The following FDX1 variants were observed in gnomAD, a reference collection of about 807,000 sequenced individuals.
FDX1 encodes adrenodoxin, mitochondrial.
A neutral mutation model predicts 14.9 loss-of-function variants in FDX1; 9 were observed. That is an observed-to-expected ratio of 0.60 (90% CI 0.36 to 1.05). The LOEUF is 1.05. Among genes scored for constraint, FDX1 ranks in the 50% least tolerant of loss-of-function variants. The pLI is 0.01. For missense variants in FDX1, 204 were observed against 237.2 expected (o/e 0.86, Z 0.92); for synonymous variants, 92 against 99.4 (o/e 0.93, Z 0.44).
intron 1 of FDX1, among the ~76,000 whole-genome samples, chr11:110,435,005 C>T (rs542284208): frequency 4.6e-5 from 7 of 150,770 alleles, no homozygotes; most frequent in Non-Finnish European, 7.4e-5. Context: ...TCCCCTGCCT[C>T]GGCCTCCCAA....
chr11:110,457,967 T>C (rs1035731679), intron 3 of FDX1, among the ~76,000 whole-genome samples: 1 of 152,190 alleles, frequency 6.6e-6, no homozygotes, highest in Non-Finnish European at 1.5e-5. Context: ...TAGTATCTCT[T>C]TGGACACCAA....
At chr11:110,447,273 C>CAAA (rs541827807) in intron 2 of FDX1, among the ~76,000 whole-genome samples, 10 of 75,744 alleles carry the variant, frequency 1.3e-4, no homozygotes, top group Admixed American at 2.6e-4. Context: ...ACTAAAAATA[C>CAAA]AAAAAAAAAA....
intron 3 of FDX1, among the ~76,000 whole-genome samples, chr11:110,459,217 A>G (rs2358322): frequency 0.18 from 27,948 of 152,112 alleles, 2,728 homozygotes; most frequent in East Asian, 0.26. Context: ...CCTTATATGT[A>G]AGGTGAGGAT....
chr11:110,438,469 A>G (rs1018496175), intron 2 of FDX1, among the ~76,000 whole-genome samples: 14 of 152,120 alleles, frequency 9.2e-5, no homozygotes, highest in Non-Finnish European at 4.4e-5. Flanking sequence ...ACTGTCACCC[A>G]GGCTGGAGTG....
intron 2 of FDX1, among the ~76,000 whole-genome samples, chr11:110,440,499 T>C (rs1946398550): frequency 6.6e-6 from 1 of 152,238 alleles, no homozygotes; most frequent in African/African-American, 2.4e-5. Flanking sequence ...ATTTCTGCCA[T>C]ATGGTGGAGC....
chr11:110,430,375 G>C, intron 1 of FDX1, 70 bp downstream of exon 1: 2 of 1,061,208 alleles, frequency 1.9e-6, no homozygotes, highest in Non-Finnish European at 2.4e-6. Flanking sequence ...TGGCTCTCTG[G>C]GCCGAGTCTC....
At chr11:110,432,392 T>C (rs1013844043) in intron 1 of FDX1, among the ~76,000 whole-genome samples, 13 of 152,170 alleles carry the variant, frequency 8.5e-5, no homozygotes, top group African/African-American at 3.1e-4. Context: ...TTTTTGCGGA[T>C]TTTAAAAAAA....
chr11:110,462,726 T>C lies in FDX1; in HGVS notation c.*258T>C, dbSNP rs562009576. The C allele has an allele frequency of 4.8e-5, 13 of 271,546 alleles. No homozygotes were observed. Among genetic ancestry groups the C allele is most frequent in the Non-Finnish European group, 7.8e-5 (11 of 141,840 alleles). The allele number at this position is 271,546 out of a possible 1,614,324, so 16.8% of individuals were successfully genotyped here. On this transcript the variant is annotated 3_prime_UTR_variant, in exon 4 of 4. Transcript: ENST00000260270. ...AAAAACCTTACATATTTTTTTCTTA[T>C]GTTTGTTTAGCGACTTTAGCAAAAT...
intron 2 of FDX1, among the ~76,000 whole-genome samples, chr11:110,444,642 GT>G: frequency 9.5e-6 from 1 of 105,210 alleles, no homozygotes; most frequent in African/African-American, 4.2e-5. Flanking sequence ...ATGTGTGTGT[GT>G]GTGTGTGTAT....
intron 2 of FDX1, among the ~76,000 whole-genome samples, chr11:110,444,069 GA>G (rs1486919970): frequency 6.6e-6 from 1 of 151,958 alleles, no homozygotes; most frequent in Non-Finnish European, 1.5e-5. Flanking sequence ...TGTTTAATTA[GA>G]TCCCACTTAC....
intron 2 of FDX1, among the ~76,000 whole-genome samples, chr11:110,439,116 G>T (rs551879706): frequency 1.3e-5 from 2 of 152,188 alleles, no homozygotes; most frequent in African/African-American, 4.8e-5. Context: ...ATGTTGGCCA[G>T]GCTGGTCTGG....
chr11:110,457,490 TTAAAG>T (rs1032332525), intron 3 of FDX1, among the ~76,000 whole-genome samples: 15 of 152,296 alleles, frequency 9.8e-5, no homozygotes, highest in African/African-American at 3.4e-4. Flanking sequence ...TAAGTGTACC[TTAAAG>T]TAATCAGAGC....
intron 2 of FDX1, among the ~76,000 whole-genome samples, chr11:110,447,045 T>A (rs903588619): frequency 6.6e-6 from 1 of 151,302 alleles, no homozygotes; most frequent in Non-Finnish European, 1.5e-5. Flanking sequence ...TGTGGTGGCG[T>A]GCACCTGTAA....
At chr11:110,455,851 CTT>C (rs940923514) in intron 2 of FDX1, among the ~76,000 whole-genome samples, 2 of 152,160 alleles carry the variant, frequency 1.3e-5, no homozygotes, top group African/African-American at 4.8e-5. Context: ...GAGTGGCAGA[CTT>C]TAGCTTGGTA....
In FDX1 at chr11:110,434,122, G is replaced by A. The variant is rs146471459; in HGVS notation, c.186-1712G>A. Among the ~76,000 whole-genome samples, 704 of 152,230 alleles carry A rather than the reference G, an allele frequency of 4.6e-3. 5 individuals are homozygous for A. Among genetic ancestry groups the A allele is most frequent in the African/African-American group, 0.016 (675 of 41,522 alleles). On this transcript the variant is annotated intron_variant, in intron 1 of 3. Coordinates refer to ENST00000260270, the MANE Select transcript of FDX1 (RefSeq NM_004109.5). ...TTTGTGAGAAGTGAAGGAAATTTAAGTCAGCTAGCTGATAGTTAACATACT... is the reference window on the plus strand; with the variant it reads ...TTTGTGAGAAGTGAAGGAAATTTAAATCAGCTAGCTGATAGTTAACATACT...
intron 2 of FDX1, among the ~76,000 whole-genome samples, chr11:110,444,292 C>A (rs1374129348): frequency 6.6e-6 from 1 of 152,046 alleles, no homozygotes; most frequent in Non-Finnish European, 1.5e-5. Context: ...GGCATCCCAG[C>A]ACCATTATTG....
intron 1 of FDX1, among the ~76,000 whole-genome samples, chr11:110,434,991 G>C (rs561578277): frequency 6.6e-6 from 1 of 150,696 alleles, no homozygotes; most frequent in African/African-American, 2.4e-5. Context: ...CTGGGCTCAA[G>C]CAGTCCCCTG....
chr11:110,450,248 G>A (rs1327928845), intron 2 of FDX1, among the ~76,000 whole-genome samples: 2 of 152,002 alleles, frequency 1.3e-5, no homozygotes, highest in Admixed American at 6.6e-5. Flanking sequence ...GAATCAGTGG[G>A]AAGCCCTGAG....
intron 1 of FDX1, among the ~76,000 whole-genome samples, chr11:110,432,288 CTT>C (rs1946336843): frequency 6.6e-6 from 1 of 151,954 alleles, no homozygotes; most frequent in Non-Finnish European, 1.5e-5. Flanking sequence ...TCGTATGACT[CTT>C]AAGACAATTC....
Sources: gnomAD v4.1 joint callset for allele counts (sites outside exome capture counted in the v4.1 genomes callset) on GRCh38, gnomAD v4.1.1 for gene constraint, MANE v1.5 for transcripts, NCBI Gene and HGNC (gene_info 2026-07-23, HGNC 2026-07-21) for gene names.